Variants in EDA observed in about 807,000 individuals in gnomAD.
EDA encodes the protein ectodysplasin-A.
A neutral mutation model predicts 23.6 loss-of-function variants in EDA; 2 were observed. The ratio of observed to expected loss-of-function variants is 0.08; its 90% CI spans 0.03 to 0.27. The LOEUF (loss-of-function observed/expected upper bound fraction) is 0.27. Among genes scored for constraint, EDA ranks in the 10% least tolerant of loss-of-function variants. The pLI, the probability that EDA is intolerant of heterozygous loss-of-function variation, is 1.00. For missense variants in EDA, 229 were observed against 324.2 expected (o/e 0.71, Z 2.26); for synonymous variants, 131 against 132.0 (o/e 0.99, Z 0.05).
Position 69,616,625 on chromosome X carries a change from T to G in EDA, c.317T>G (p.Leu106Arg). 1 of 1,211,507 alleles carries G rather than the reference T, an allele frequency of 8.3e-7. No homozygotes were observed. Among genetic ancestry groups the G allele is most frequent in the Non-Finnish European group, 1.1e-6 (1 of 895,342 alleles). Reference sequence around the variant, plus strand: ...CCTGACAGCCCCATCACCAGTCACCTTGGGCAGCCGTCACCTAAGCAGCAG... The same window carrying G: ...CCTGACAGCCCCATCACCAGTCACCGTGGGCAGCCGTCACCTAAGCAGCAG... ...LDPDSPITSH[L>R]GQPSPKQQPL... The change falls in exon 1 of 8, where the codon CTT becomes CGT. Residue 106 changes from leucine to arginine, a missense_variant. By Grantham distance (102) the Leu-to-Arg change is moderately radical (BLOSUM62 -2). Transcript: ENST00000374552.
chrX:69,652,859 C>G (rs1347925846), intron 1 of EDA, among the ~76,000 whole-genome samples: 1 of 111,949 alleles, frequency 8.9e-6, no homozygotes, highest in Non-Finnish European at 1.9e-5. Flanking sequence ...AGTCCAGTAC[C>G]ATGCTGTTTT....
At chrX:69,846,889 C>T (rs1205024508) in intron 1 of EDA, among the ~76,000 whole-genome samples, 1 of 111,565 alleles carries the variant, frequency 9.0e-6, no homozygotes, top group Admixed American at 9.6e-5. Context: ...CCAACTGATA[C>T]AGGCCCCCAG....
At chrX:69,789,075 C>G (rs2015311128) in intron 1 of EDA, among the ~76,000 whole-genome samples, 1 of 112,214 alleles carries the variant, frequency 8.9e-6, no homozygotes, top group Middle Eastern at 4.7e-3. Context: ...TCTGTCACCC[C>G]TTTCTTTGAG....
chrX:69,787,291 A>T (rs1255587569), intron 1 of EDA, among the ~76,000 whole-genome samples: 20 of 99,960 alleles, frequency 2.0e-4, no homozygotes, highest in African/African-American at 7.1e-4. Flanking sequence ...GTCCATTTAC[A>T]TTTAAAGTTA....
At position 70,019,656 on chromosome X, in the gene EDA, T is replaced by C. The variant is rs756417353; in HGVS notation, c.503-3562T>C. Among the ~76,000 whole-genome samples the C allele has an allele frequency of 9.8e-5, 11 of 112,233 alleles. No individual in the cohort carries two copies. The South Asian group carries it at 4.1e-3, about 42-fold the overall frequency. ...ACTAATGCAGGGACAGAAAACCAAA[T>C]GCTACATCTTCTCACTTATAAGTGG... On this transcript the variant is annotated intron_variant, in intron 2 of 7. Transcript: ENST00000374552.
intron 1 of EDA, chrX:69,860,971 T>C (rs2017372092): frequency 5.8e-6 from 3 of 513,540 alleles, no homozygotes; most frequent in Non-Finnish European, 1.1e-5. Flanking sequence ...TCACCTGGCG[T>C]CATCTAGTCA....
intron 1 of EDA, among the ~76,000 whole-genome samples, chrX:69,663,986 A>G (rs992549313): frequency 1.8e-5 from 2 of 112,073 alleles, no homozygotes; most frequent in Non-Finnish European, 3.8e-5. Context: ...CTGTACCCCC[A>G]CTGTATCTGG....
At chrX:69,627,016 C>T (rs1172945068) in intron 1 of EDA, among the ~76,000 whole-genome samples, 2 of 111,408 alleles carry the variant, frequency 1.8e-5, no homozygotes, top group East Asian at 2.8e-4. Flanking sequence ...ACAGATGTGT[C>T]CAGGGTCCCA....
At chrX:69,838,938 T>C (rs2016839343) in intron 1 of EDA, among the ~76,000 whole-genome samples, 1 of 112,260 alleles carries the variant, frequency 8.9e-6, no homozygotes, top group African/African-American at 3.2e-5. Flanking sequence ...AATTTTGTGA[T>C]GATATCCACA....
intron 2 of EDA, among the ~76,000 whole-genome samples, chrX:70,000,801 A>C (rs1056450766): frequency 1.8e-5 from 2 of 112,342 alleles, no homozygotes. Flanking sequence ...CAATTTGCTC[A>C]GTGTCATGCA....
intron 1 of EDA, among the ~76,000 whole-genome samples, chrX:69,849,082 T>TACAC (rs370800783): frequency 2.9e-3 from 164 of 57,013 alleles, no homozygotes; most frequent in African/African-American, 7.0e-3. Context: ...AAAGTCTATA[T>TACAC]ACACACACAC....
intron 1 of EDA, among the ~76,000 whole-genome samples, chrX:69,753,698 T>G (rs1042572101): frequency 1.8e-5 from 2 of 111,640 alleles, no homozygotes; most frequent in Admixed American, 1.9e-4. Context: ...ATTATTATTG[T>G]CTGGGTGTCT....
intron 1 of EDA, among the ~76,000 whole-genome samples, chrX:69,818,332 A>G (rs957014354): frequency 9.0e-6 from 1 of 111,228 alleles, no homozygotes; most frequent in African/African-American, 3.3e-5. Context: ...AGAGCAATCC[A>G]ACCCCAAACC....
At position 69,987,386 on chromosome X, in the gene EDA, C is replaced by T. The variant is rs180957358; in HGVS notation, c.502+30254C>T. On this transcript the variant is annotated intron_variant, in intron 2 of 7. Coordinates refer to ENST00000374552, the MANE Select transcript of EDA (RefSeq NM_001399.5). ...CCAAGGTGGAGAAACCCCATTCCTC[C>T]TATGTCCTCCCTCTTACAACTAAAA... Among the ~76,000 whole-genome samples, 536 of 108,231 alleles carry T rather than the reference C, an allele frequency of 5.0e-3. 1 individual carries two copies. The highest frequency in any genetic ancestry group is 0.019 in the Middle Eastern group (4 of 207). 94.0% of individuals were successfully genotyped at this position (108,231 alleles called of 115,157 possible).
At position 69,647,761 on chromosome X, in the gene EDA, A is replaced by G. The variant is rs1300301843; in HGVS notation, c.396+31057A>G. Among the ~76,000 whole-genome samples the G allele has an allele frequency of 6.3e-5, 7 of 111,919 alleles. No individual in the cohort carries two copies. In the Admixed American group the frequency reaches 6.6e-4, roughly 11 times the overall value. ...GAGGTGTTGCAGTCATTTGGAGAAG[A>G]GGCACTCTGACTTTTTGAGTTTTCA... is the stretch of plus-strand genomic sequence containing the variant. On this transcript the variant is annotated intron_variant, in intron 1 of 7. Transcript: ENST00000374552.
intron 1 of EDA, among the ~76,000 whole-genome samples, chrX:69,743,801 A>G (rs2013533693): frequency 8.9e-6 from 1 of 112,092 alleles, no homozygotes; most frequent in Non-Finnish European, 1.9e-5. Flanking sequence ...GTTTCTATTT[A>G]TAAAGATCTG....
chrX:69,924,123 C>T (rs2018477446), intron 1 of EDA, among the ~76,000 whole-genome samples: 1 of 111,466 alleles, frequency 9.0e-6, no homozygotes, highest in African/African-American at 3.3e-5. Flanking sequence ...GTTGCCTGTT[C>T]ATTCTGATGA....
At chrX:69,650,029 C>T (rs1933053512) in intron 1 of EDA, among the ~76,000 whole-genome samples, 1 of 112,178 alleles carries the variant, frequency 8.9e-6, no homozygotes, top group Non-Finnish European at 1.9e-5. Flanking sequence ...GTTCATACAA[C>T]AAAGAGCACT....
chrX:69,889,072 ACAAGGGTTTCAATTT>A (rs1392307313), intron 1 of EDA, among the ~76,000 whole-genome samples: 5 of 88,409 alleles, frequency 5.7e-5, no homozygotes, highest in Non-Finnish European at 1.1e-4. Flanking sequence ...CCAGCAATAG[ACAAGGGTTTCAATTT>A]CTCCACATTT....
Sources: gnomAD v4.1 joint callset for allele counts (sites outside exome capture counted in the v4.1 genomes callset) on GRCh38, gnomAD v4.1.1 for gene constraint, MANE v1.5 for transcripts, NCBI Gene and HGNC (gene_info 2026-07-23, HGNC 2026-07-21) for gene names.